Variants in ZBTB7C observed in about 807,000 individuals in gnomAD.
ZBTB7C encodes the protein zinc finger and BTB domain containing 7C.
A neutral mutation model predicts 25.7 loss-of-function variants in ZBTB7C; 8 were observed. The ratio of observed to expected loss-of-function variants is 0.31; its 90% confidence interval spans 0.18 to 0.56. ZBTB7C has a LOEUF of 0.56. Among genes scored for constraint, ZBTB7C ranks in the 20% least tolerant of loss-of-function variants. The pLI is 0.91. For synonymous variants in ZBTB7C, 394 were observed against 369.0 expected (o/e 1.07, Z -0.78); for missense variants, 824 against 855.2 (o/e 0.96, Z 0.46).
rs537462280 is a variant in ZBTB7C at position 48,257,286 on chromosome 18, G to C, written c.-78-71291C>G. Among the ~76,000 whole-genome samples, 24 of 152,110 alleles carry C rather than the reference G, an allele frequency of 1.6e-4. No individual in the cohort carries two copies. In the East Asian group the frequency reaches 4.6e-3, roughly 29 times the overall value. On this transcript the variant is annotated intron_variant, in intron 2 of 4. Transcript: ENST00000590800. ...AATGATAAAAGGATCAATTCATCAG[G>C]AGGAGGACATAACAATTGGAAACTA...
At chr18:48,074,212 C>A (rs1271344338) in intron 3 of ZBTB7C, among the ~76,000 whole-genome samples, 2 of 151,996 alleles carry the variant, frequency 1.3e-5, no homozygotes, top group Non-Finnish European at 2.9e-5. Flanking sequence ...CGGGGTTTCA[C>A]CATATTGGTC....
rs117202622 is a variant in ZBTB7C, at chr18:48,210,705, G to A, written c.-78-24710C>T. ...CTGCTAATGGGTACGAGGTGTCTCC[G>A]GGGGTAGGGAAAATGTTCTGGAATT... On this transcript the variant is annotated intron_variant, in intron 2 of 4. Transcript: ENST00000590800. Among the ~76,000 whole-genome samples, 751 of 151,536 alleles carry A rather than the reference G, an allele frequency of 5.0e-3. 4 individuals carry two copies. Among genetic ancestry groups the A allele is most frequent in the South Asian group, 0.013 (61 of 4,818 alleles).
chr18:48,084,732 G>A (rs894636154), intron 3 of ZBTB7C, among the ~76,000 whole-genome samples: 1 of 152,198 alleles, frequency 6.6e-6, no homozygotes, highest in Non-Finnish European at 1.5e-5. Flanking sequence ...CCCTCCTCAG[G>A]GGTTAGCATG....
intron 1 of ZBTB7C, among the ~76,000 whole-genome samples, chr18:48,399,352 G>A (rs372161700): frequency 2.0e-5 from 3 of 152,046 alleles, no homozygotes; most frequent in East Asian, 1.9e-4. Flanking sequence ...TGACCTATTC[G>A]GAAAAATTAA....
chr18:48,276,039 G>C (rs1298434342), intron 2 of ZBTB7C, among the ~76,000 whole-genome samples: 5 of 152,166 alleles, frequency 3.3e-5, no homozygotes, highest in Non-Finnish European at 2.9e-5. Context: ...TGAGGACCTG[G>C]AGGAAGACAG....
chr18:48,151,687 G>A (rs1212736057), intron 3 of ZBTB7C, among the ~76,000 whole-genome samples: 2 of 152,150 alleles, frequency 1.3e-5, no homozygotes, highest in Non-Finnish European at 2.9e-5. Context: ...CAATCAGACA[G>A]GAGGGAAAAA....
chr18:48,351,110 G>A (rs943586487), intron 1 of ZBTB7C, among the ~76,000 whole-genome samples: 1 of 152,042 alleles, frequency 6.6e-6, no homozygotes, highest in African/African-American at 2.4e-5. Flanking sequence ...AGCTACTGCT[G>A]AATGGCCCTT....
intron 2 of ZBTB7C, among the ~76,000 whole-genome samples, chr18:48,229,095 C>T (rs2043184575): frequency 6.6e-6 from 1 of 152,050 alleles, no homozygotes; most frequent in Non-Finnish European, 1.5e-5. Flanking sequence ...ACAGCATGTT[C>T]GTCCCGCTCA....
At chr18:48,385,615 G>A (rs1430168811) in intron 1 of ZBTB7C, among the ~76,000 whole-genome samples, 2 of 152,252 alleles carry the variant, frequency 1.3e-5, no homozygotes, top group Non-Finnish European at 1.5e-5. Flanking sequence ...CGCCCGGAAC[G>A]CATGCACCAT....
intron 1 of ZBTB7C, among the ~76,000 whole-genome samples, chr18:48,396,657 C>T (rs2048033930): frequency 6.6e-6 from 1 of 152,214 alleles, no homozygotes; most frequent in Non-Finnish European, 1.5e-5. Context: ...CTTGAATCTC[C>T]TTGCCACATT....
At position 48,378,541 on chromosome 18, in the gene ZBTB7C, C is replaced by A. The variant is rs138246091; in HGVS notation, c.-304+30685G>T. 9.2e-5 allele frequency among the ~76,000 whole-genome samples: 14 copies of A among 152,240 alleles called. No individual in the cohort carries two copies. In the East Asian group the frequency reaches 2.3e-3, roughly 25 times the overall value. ...CAACCAGATGGTTCTCCAATAAAAC[C>A]CATTGCCATCACATCCTACCTGCAC... is the stretch of plus-strand genomic sequence containing the variant. On this transcript the variant is annotated intron_variant, in intron 1 of 4. Coordinates refer to ENST00000590800, the MANE Select transcript of ZBTB7C (RefSeq NM_001318841.2).
intron 3 of ZBTB7C, among the ~76,000 whole-genome samples, chr18:48,069,262 A>G (rs929884187): frequency 1.4e-4 from 21 of 152,084 alleles, no homozygotes; most frequent in African/African-American, 4.8e-4. Flanking sequence ...TCTCACCACA[A>G]TCGGAAAATG....
intron 2 of ZBTB7C, among the ~76,000 whole-genome samples, chr18:48,200,735 G>A (rs143232649): frequency 3.3e-5 from 5 of 152,290 alleles, no homozygotes; most frequent in East Asian, 1.9e-4. Context: ...TCAGCCTTCC[G>A]CCCTCGTCCC....
At chr18:48,032,498 G>C (rs1214407591) in intron 4 of ZBTB7C, among the ~76,000 whole-genome samples, 2 of 134,726 alleles carry the variant, frequency 1.5e-5, no homozygotes, top group African/African-American at 5.7e-5. Context: ...GCAGTGGTGC[G>C]ATCTTGGCTC....
At chr18:48,047,172 C>T (rs2036507680) in intron 3 of ZBTB7C, among the ~76,000 whole-genome samples, 2 of 152,186 alleles carry the variant, frequency 1.3e-5, no homozygotes, top group African/African-American at 2.4e-5. Flanking sequence ...ATGCTGGGAG[C>T]TTCCCTGGTG....
Position 48,295,894 on chromosome 18 carries a change from C to T in ZBTB7C, c.-79+42280G>A, listed in dbSNP as rs542787791. ...AGGTGGGGGACCCATCCCAAAGACA[C>T]AAAGACATATCTTCCAAGTATCTGA... On this transcript the variant is annotated intron_variant, in intron 2 of 4. Transcript: ENST00000590800. Among the ~76,000 whole-genome samples, 412 of 152,330 alleles carry T rather than the reference C, an allele frequency of 2.7e-3. 2 individuals are homozygous for T. Among genetic ancestry groups the T allele is most frequent in the African/African-American group, 9.3e-3 (386 of 41,562 alleles).
At chr18:48,263,802 G>T (rs1281878204) in intron 2 of ZBTB7C, among the ~76,000 whole-genome samples, 1 of 151,812 alleles carries the variant, frequency 6.6e-6, no homozygotes, top group East Asian at 1.9e-4. Flanking sequence ...TAATAGATTA[G>T]TAATCAAAGA....
chr18:48,094,904 A>C (rs1293634668), intron 3 of ZBTB7C, among the ~76,000 whole-genome samples: 1 of 152,204 alleles, frequency 6.6e-6, no homozygotes, highest in Non-Finnish European at 1.5e-5. Context: ...ACAGCAGTCA[A>C]GGTGATAAAA....
At chr18:48,048,942 G>A (rs183902603) in intron 3 of ZBTB7C, among the ~76,000 whole-genome samples, 12 of 152,278 alleles carry the variant, frequency 7.9e-5, no homozygotes, top group Admixed American at 6.5e-4. Context: ...GGCACAGAAC[G>A]AAGCCCATGC....
Sources: gnomAD v4.1 joint callset for allele counts (sites outside exome capture counted in the v4.1 genomes callset) on GRCh38, gnomAD v4.1.1 for gene constraint, MANE v1.5 for transcripts, NCBI Gene and HGNC (gene_info 2026-07-23, HGNC 2026-07-21) for gene names.